Variants in TRIO observed in about 807,000 individuals in gnomAD.
TRIO encodes the protein trio Rho guanine nucleotide exchange factor, also known as triple functional domain protein.
TRIO carries 58 observed loss-of-function variants against 351.9 expected under a neutral mutation model. The ratio of observed to expected loss-of-function variants is 0.16; its 90% CI spans 0.13 to 0.21. TRIO has a LOEUF of 0.21. TRIO is among the 10% of genes least tolerant of loss of function. The pLI, the probability that TRIO is intolerant of heterozygous loss-of-function variation, is 1.00. For missense variants in TRIO, 3,201 were observed against 4,027.8 expected (o/e 0.79, Z 5.56); for synonymous variants, 1,758 against 1,595.7 (o/e 1.10, Z -2.42).
At chr5:14,277,877 G>C (rs1205678638) in intron 2 of TRIO, among the ~76,000 whole-genome samples, 1 of 152,252 alleles carries the variant, frequency 6.6e-6, no homozygotes, top group Admixed American at 6.5e-5. Context: ...TCAGCAGAAA[G>C]TGATCATTAA....
intron 1 of TRIO, among the ~76,000 whole-genome samples, chr5:14,205,574 A>G (rs373063762): frequency 1.3e-5 from 2 of 152,288 alleles, no homozygotes; most frequent in East Asian, 1.9e-4. Flanking sequence ...ATTCATGAAA[A>G]CTACATATCA....
intron 23 of TRIO, 132 bp downstream of exon 23, chr5:14,387,979 G>C (rs1266585844): frequency 2.2e-6 from 2 of 890,704 alleles, no homozygotes; most frequent in Admixed American, 4.6e-5. Context: ...GGTGGACTTA[G>C]TTGTGTCAGC....
chr5:14,480,312 TA>T (rs1423685196), intron 43 of TRIO, among the ~76,000 whole-genome samples: 1 of 152,236 alleles, frequency 6.6e-6, no homozygotes, highest in African/African-American at 2.4e-5. Context: ...AGTTAATCCT[TA>T]AAAATTTAAG....
At chr5:14,473,441 T>C (rs1264184332) in intron 39 of TRIO, among the ~76,000 whole-genome samples, 1 of 152,238 alleles carries the variant, frequency 6.6e-6, no homozygotes, top group Non-Finnish European at 1.5e-5. Flanking sequence ...TCTGCAGTCA[T>C]TGTTCACAAT....
intron 11 of TRIO, among the ~76,000 whole-genome samples, chr5:14,352,434 C>G (rs1743225469): frequency 6.6e-6 from 1 of 152,192 alleles, no homozygotes; most frequent in Non-Finnish European, 1.5e-5. Flanking sequence ...ACAATTTTTC[C>G]TCTTAGGAGT....
chr5:14,150,214 G>A (rs1234208857), intron 1 of TRIO, among the ~76,000 whole-genome samples: 1 of 152,134 alleles, frequency 6.6e-6, no homozygotes, highest in Non-Finnish European at 1.5e-5. Context: ...GTCTCAAAAT[G>A]CTGCATGCTG....
At chr5:14,479,869 G>A in intron 42 of TRIO, 50 bp from the exon 43 acceptor site, 1 of 1,547,466 alleles carries the variant, frequency 6.5e-7, no homozygotes, top group Non-Finnish European at 8.9e-7. Flanking sequence ...CTAAAAAATT[G>A]CCCTTTAATG....
intron 48 of TRIO, chr5:14,489,013 C>T (rs765400564): frequency 1.3e-6 from 1 of 765,244 alleles, no homozygotes; most frequent in South Asian, 1.3e-5. Flanking sequence ...ACTGTCCTAC[C>T]CACCTGTTTC....
At chr5:14,297,025 C>G (rs906372034) in intron 6 of TRIO, 47 bp from the exon 7 acceptor site, 3 of 1,545,398 alleles carry the variant, frequency 1.9e-6, no homozygotes, top group Non-Finnish European at 2.6e-6. Flanking sequence ...AGGGAGCCTC[C>G]TATTTGCTCT....
intron 34 of TRIO, among the ~76,000 whole-genome samples, chr5:14,430,079 G>A (rs1750964506): frequency 6.6e-6 from 1 of 152,064 alleles, no homozygotes; most frequent in Non-Finnish European, 1.5e-5. Context: ...TTTGGTCCAT[G>A]TGCAGGTGTG....
intron 1 of TRIO, among the ~76,000 whole-genome samples, chr5:14,153,214 C>G (rs1237524680): frequency 6.6e-6 from 1 of 152,178 alleles, no homozygotes; most frequent in Non-Finnish European, 1.5e-5. Flanking sequence ...CTTGCAACAG[C>G]CTGCCCCTGG....
chr5:14,189,092 G>C (rs1581311232), intron 1 of TRIO, among the ~76,000 whole-genome samples: 2 of 152,118 alleles, frequency 1.3e-5, no homozygotes. Flanking sequence ...TGGTATAAGC[G>C]TTAAGGAATC....
chr5:14,497,090 G>A lies in TRIO; in HGVS notation c.8019+73G>A, dbSNP rs1756950556. 3 of 1,572,824 alleles carry A rather than the reference G, an allele frequency of 1.9e-6. No individual in the cohort carries two copies. The highest frequency in any genetic ancestry group is 2.3e-5 in the South Asian group (2 of 85,112). On this transcript the variant is annotated intron_variant, in intron 50 of 56. Transcript: ENST00000344204. The surrounding 1 kb of genome is among the most constrained non-coding windows in gnomAD (Gnocchi z 4.4). ...AAGGATCAGGGAGGGCAGAGACTCT[G>A]CAGACCTGAAGCTGGGCTTGCTTAT...
At chr5:14,344,633 G>T (rs181047119) in intron 11 of TRIO, among the ~76,000 whole-genome samples, 1 of 152,152 alleles carries the variant, frequency 6.6e-6, no homozygotes, top group African/African-American at 2.4e-5. Context: ...TTGTAACATC[G>T]ATATAGATAA....
chr5:14,179,165 C>T (rs966273519), intron 1 of TRIO, among the ~76,000 whole-genome samples: 1 of 152,160 alleles, frequency 6.6e-6, no homozygotes, highest in Non-Finnish European at 1.5e-5. Context: ...GTGTCCCGTC[C>T]TGCCACCCAC....
chr5:14,491,773 G>A (rs1756505949), intron 48 of TRIO, among the ~76,000 whole-genome samples: 1 of 152,180 alleles, frequency 6.6e-6, no homozygotes. Context: ...GCGGTATAAG[G>A]GTGGGGGTAC....
intron 1 of TRIO, among the ~76,000 whole-genome samples, chr5:14,210,602 T>G (rs1422640417): frequency 1.3e-5 from 2 of 151,840 alleles, no homozygotes; most frequent in Non-Finnish European, 2.9e-5. Context: ...AAAGTGTTTT[T>G]TTGTTGTTGT....
At chr5:14,361,238 A>C (rs536372541) in intron 13 of TRIO, among the ~76,000 whole-genome samples, 1 of 152,364 alleles carries the variant, frequency 6.6e-6, no homozygotes, top group Non-Finnish European at 1.5e-5. Context: ...TAATATTTAA[A>C]AAATTGTATT....
In TRIO at chr5:14,323,590, C is replaced by T. The variant is rs111335178; in HGVS notation, c.1731+6847C>T. Among the ~76,000 whole-genome samples, 1,420 of 152,358 alleles carry T rather than the reference C, an allele frequency of 9.3e-3. 14 individuals are homozygous for T. The highest frequency in any genetic ancestry group is 0.032 in the African/African-American group (1,334 of 41,584). ...GGGAAAAGGAGCTCCCATGACCACT[C>T]TCCAGCCCCACTCAGCTATCTCAGG... On this transcript the variant is annotated intron_variant, in intron 9 of 56. Transcript: ENST00000344204.
Sources: gnomAD v4.1 joint callset for allele counts (sites outside exome capture counted in the v4.1 genomes callset) on GRCh38, gnomAD v4.1.1 for gene constraint, Gnocchi (gnomAD v3.1) non-coding constraint, MANE v1.5 for transcripts, NCBI Gene and HGNC (gene_info 2026-07-23, HGNC 2026-07-21) for gene names.